PPFIA1: variants seen among roughly 807,000 people sequenced by gnomAD.
PPFIA1 encodes the protein liprin-alpha-1.
A neutral mutation model predicts 149.9 loss-of-function variants in PPFIA1; 25 were observed. That is an observed-to-expected ratio of 0.17 (90% CI 0.12 to 0.23). The LOEUF (loss-of-function observed/expected upper bound fraction) is 0.23. Among genes scored for constraint, PPFIA1 ranks in the 10% least tolerant of loss-of-function variants. The pLI, the probability that PPFIA1 is intolerant of heterozygous loss-of-function variation, is 1.00. For missense variants in PPFIA1, 1,362 were observed against 1,506.5 expected (o/e 0.90, Z 1.59); for synonymous variants, 549 against 552.8 (o/e 0.99, Z 0.10).
intron 2 of PPFIA1, among the ~76,000 whole-genome samples, chr11:70,296,726 G>GGAGGGA (rs549908419): frequency 1.5e-5 from 2 of 137,572 alleles, no homozygotes; most frequent in East Asian, 2.1e-4. Context: ...GAGAGGGAGA[G>GGAGGGA]GAGGGAGAGG....
chr11:70,367,335 G>A (rs561226189), intron 21 of PPFIA1, among the ~76,000 whole-genome samples: 19 of 152,342 alleles, frequency 1.2e-4, no homozygotes, highest in South Asian at 1.2e-3. Context: ...GAGCTGCGCC[G>A]AGAGACTAGG....
At chr11:70,306,050 G>C (rs887376737) in intron 2 of PPFIA1, among the ~76,000 whole-genome samples, 2 of 152,122 alleles carry the variant, frequency 1.3e-5, no homozygotes, top group Non-Finnish European at 2.9e-5. Context: ...AAATAGTAAG[G>C]CAGCCCTCAT....
intron 16 of PPFIA1, among the ~76,000 whole-genome samples, chr11:70,350,774 CTAAG>C (rs1198568100): frequency 6.6e-6 from 1 of 152,070 alleles, no homozygotes; most frequent in Non-Finnish European, 1.5e-5. Flanking sequence ...AGAATTTTAT[CTAAG>C]TAATAATTTA....
In PPFIA1 at chr11:70,291,113, G is replaced by A. The variant is rs991473131; in HGVS notation, c.264+18677G>A. On this transcript the variant is annotated intron_variant, in intron 2 of 27. Coordinates refer to ENST00000253925, the MANE Select transcript of PPFIA1 (RefSeq NM_003626.5). Reference sequence around the variant, plus strand: ...TTGGTCAGCCTGGTCTTGAACTCCCGACCTCAGGTTATCCACCAGCTCCCG... The same window carrying A: ...TTGGTCAGCCTGGTCTTGAACTCCCAACCTCAGGTTATCCACCAGCTCCCG... Among the ~76,000 whole-genome samples, 50 of 152,014 alleles carry A rather than the reference G, an allele frequency of 3.3e-4. 1 individual carries two copies. The highest frequency in any genetic ancestry group is 2.7e-3 in the Admixed American group (41 of 15,242).
intron 16 of PPFIA1, chr11:70,351,009 A>G: frequency 8.0e-7 from 1 of 1,257,810 alleles, no homozygotes; most frequent in South Asian, 1.3e-5. Context: ...TGATTTAAGG[A>G]AACATCGTAG....
At chr11:70,295,714 G>T (rs2051926038) in intron 2 of PPFIA1, among the ~76,000 whole-genome samples, 2 of 149,252 alleles carry the variant, frequency 1.3e-5, no homozygotes, top group South Asian at 4.2e-4. Context: ...CTCCCGGACG[G>T]GGCGGCTGGC....
In PPFIA1 at chr11:70,272,566, T is replaced by C. The variant is rs191003016; in HGVS notation, c.264+130T>C. The C allele has an allele frequency of 7.2e-4, 825 of 1,145,168 alleles. 6 individuals carry two copies. Among genetic ancestry groups the C allele is most frequent in the Non-Finnish European group, 6.4e-5 (53 of 822,570 alleles). 70.9% of individuals were successfully genotyped at this position (1,145,168 alleles called of 1,614,324 possible). A position where few individuals can be genotyped will look rare whatever the true frequency, so the allele number is the denominator to read the frequency against. The stretch of plus-strand genomic sequence containing the variant: ...TTGTGAAATGATAGTTTCTGGTGTT[T>C]GTAAGTCAAATACAAAGTTCCTAGG... On this transcript the variant is annotated intron_variant, in intron 2 of 27. Coordinates refer to ENST00000253925, the MANE Select transcript of PPFIA1 (RefSeq NM_003626.5).
intron 2 of PPFIA1, among the ~76,000 whole-genome samples, chr11:70,295,334 A>G (rs1324965211): frequency 2.7e-5 from 2 of 73,816 alleles, no homozygotes; most frequent in South Asian, 5.0e-4. Context: ...CGGGGGGCTG[A>G]CCCCCCCCAC....
chr11:70,297,386 G>C (rs2052142985), intron 2 of PPFIA1, among the ~76,000 whole-genome samples: 1 of 151,948 alleles, frequency 6.6e-6, no homozygotes, highest in African/African-American at 2.4e-5. Context: ...TCCAGCCTGG[G>C]TGACAGCAAG....
intron 6 of PPFIA1, 107 bp from the exon 7 acceptor site, chr11:70,326,490 C>G: frequency 7.9e-7 from 1 of 1,272,242 alleles, no homozygotes; most frequent in Non-Finnish European, 1.1e-6. Flanking sequence ...TTGTGTAATC[C>G]AACAGATTGC....
At position 70,326,318 on chromosome 11, in the gene PPFIA1, G is replaced by C; in HGVS notation, c.663G>C (p.Leu221=). 6.2e-7 allele frequency: 1 copy of C among 1,610,322 alleles called. No homozygotes were observed. The highest frequency in any genetic ancestry group is 8.5e-7 in the Non-Finnish European group (1 of 1,177,632). Residue 221 remains leucine (L), a synonymous_variant, in exon 6 of 28, where the codon CTG becomes CTC. Coordinates refer to ENST00000253925, the MANE Select transcript of PPFIA1 (RefSeq NM_003626.5). ...NQKKTLTDGV[L]DINHEQENTP... ...AAAAAACTCTAACAGATGGAGTGCT[G>C]GACATAAACCATGAACAAGAAAATA... is the stretch of plus-strand genomic sequence containing the variant.
intron 2 of PPFIA1, among the ~76,000 whole-genome samples, chr11:70,290,393 G>A (rs2051447134): frequency 6.6e-6 from 1 of 152,214 alleles, no homozygotes; most frequent in Non-Finnish European, 1.5e-5. Context: ...AATAGTCCCG[G>A]TTTTTGCCTG....
In PPFIA1 at chr11:70,382,269, G is replaced by C. The variant is rs374351477; in HGVS notation, c.*12+111G>C. 6.0e-5 allele frequency: 42 copies of C among 698,196 alleles called. No individual in the cohort carries two copies. The Middle Eastern group carries it at 2.0e-3, about 33-fold the overall frequency. 43.3% of individuals were successfully genotyped at this position (698,196 alleles called of 1,614,324 possible). ...GACCATGAAAGCCAGTGCAGTTTTTGGGGAATTTAAAATATATATAGACAC... is the reference window on the plus strand; with the variant it reads ...GACCATGAAAGCCAGTGCAGTTTTTCGGGAATTTAAAATATATATAGACAC... On this transcript the variant is annotated intron_variant, in intron 27 of 27. Transcript: ENST00000253925.
intron 15 of PPFIA1, among the ~76,000 whole-genome samples, chr11:70,347,096 C>CT (rs2055749639): frequency 6.6e-6 from 1 of 152,120 alleles, no homozygotes; most frequent in Non-Finnish European, 1.5e-5. Context: ...TTCGTTTAGT[C>CT]TAAACAGTTA....
chr11:70,377,850 C>T (rs2057548763), intron 25 of PPFIA1, among the ~76,000 whole-genome samples, 180 bp from the exon 26 acceptor site: 1 of 152,156 alleles, frequency 6.6e-6, no homozygotes, highest in South Asian at 2.1e-4. Flanking sequence ...ATCACCATGC[C>T]CCGTTTCACG....
chr11:70,329,165 C>G (rs1400251790), intron 7 of PPFIA1, among the ~76,000 whole-genome samples: 1 of 152,162 alleles, frequency 6.6e-6, no homozygotes, highest in Non-Finnish European at 1.5e-5. Context: ...CGCACCCTGT[C>G]CTGTGTGAGA....
At chr11:70,309,841 G>A (rs113966900) in intron 2 of PPFIA1, among the ~76,000 whole-genome samples, 50 of 152,230 alleles carry the variant, frequency 3.3e-4, no homozygotes, top group East Asian at 7.7e-4. Context: ...TGCCTAGGGC[G>A]GAGAGGGGAG....
chr11:70,368,618 G>A (rs567151807), intron 21 of PPFIA1, among the ~76,000 whole-genome samples: 1 of 152,288 alleles, frequency 6.6e-6, no homozygotes, highest in Admixed American at 6.5e-5. Flanking sequence ...GATTTTGCAG[G>A]TTTTGATGCC....
intron 2 of PPFIA1, among the ~76,000 whole-genome samples, chr11:70,306,270 G>A (rs889354285): frequency 6.6e-5 from 10 of 151,868 alleles, no homozygotes; most frequent in South Asian, 4.2e-4. Context: ...AATTGTAAAC[G>A]TATAGGGGAG....
Sources: allele counts gnomAD v4.1 joint callset (sites outside exome capture counted in the v4.1 genomes callset), GRCh38; gene constraint gnomAD v4.1.1; transcripts MANE v1.5; gene names NCBI Gene and HGNC (gene_info 2026-07-23, HGNC 2026-07-21).